ZMYM6: variants seen among roughly 807,000 people sequenced by gnomAD.
The protein encoded by ZMYM6 is zinc finger MYM-type protein 6.
ZMYM6 carries 90 observed loss-of-function variants against 134.0 expected under a neutral mutation model. That is an observed-to-expected ratio of 0.67 (90% confidence interval 0.57 to 0.80). The LOEUF is 0.80. Among genes scored for constraint, ZMYM6 ranks in the 30% least tolerant of loss-of-function variants. ZMYM6 has a pLI of 0.00. For synonymous variants in ZMYM6, 481 were observed against 524.1 expected, an observed-to-expected ratio of 0.92 and a Z score of 1.12; for missense variants, 1,362 against 1,533.9, an observed-to-expected ratio of 0.89 and a Z score of 1.87.
At chr1:35,020,012 G>C (rs1178819749) in intron 3 of ZMYM6, among the ~76,000 whole-genome samples, 1 of 152,006 alleles carries the variant, frequency 6.6e-6, no homozygotes, top group Non-Finnish European at 1.5e-5. Flanking sequence ...TTGAAATCCA[G>C]TTAATGAGGC....
Position 35,030,619 on chromosome 1 carries a change from A to C in ZMYM6, c.21T>G (p.Gly7=). Reference sequence around the variant, plus strand: ...GTGGTACCACTGCTTTGCCACATTCACCATCCAAAGGTTCTTTCATTCTAA... The same window carrying C: ...GTGGTACCACTGCTTTGCCACATTCCCCATCCAAAGGTTCTTTCATTCTAA... The part of the protein sequence containing the change: MKEPLD[G]ECGKAVVPQQ... The change falls in exon 2 of 16, where the codon GGT becomes GGG. Residue 7 remains glycine (G), a synonymous_variant. Transcript: ENST00000357182. The C allele has an allele frequency of 1.2e-6, 2 of 1,613,596 alleles. No individual in the cohort carries two copies. Among genetic ancestry groups the C allele is most frequent in the Non-Finnish European group, 1.7e-6 (2 of 1,179,972 alleles).
In ZMYM6 at chr1:35,010,441, C is replaced by T; in HGVS notation, c.1492+6G>A. 6.2e-7 allele frequency: 1 copy of T among 1,603,254 alleles called. No homozygotes were observed. The highest frequency in any genetic ancestry group is 8.5e-7 in the Non-Finnish European group (1 of 1,177,368). ...TGCTCTGTGAATAAAACAACTTTGT[C>T]TTTACCTTCACTACAGAATGGCTTA... is the stretch of plus-strand genomic sequence containing the variant. On this transcript the variant is annotated splice_donor_region_variant and intron_variant, in intron 10 of 15. Coordinates refer to ENST00000357182, the MANE Select transcript of ZMYM6 (RefSeq NM_007167.4).
intron 2 of ZMYM6, among the ~76,000 whole-genome samples, chr1:35,028,817 C>G (rs1303439034): frequency 1.3e-5 from 2 of 151,990 alleles, no homozygotes; most frequent in Non-Finnish European, 2.9e-5. Flanking sequence ...GATTTCCGTG[C>G]TCTCCATTCT....
Position 34,988,329 on chromosome 1 carries a change from A to G in ZMYM6, c.2753T>C (p.Ile918Thr). ...FALQIDESSE[I>T]SNITLLLCYI... ...GCACAAAAGAAGTGTGATATTTGAG[A>G]TTTCTGATGACTCATCTATCTGAAG... is the stretch of plus-strand genomic sequence containing the variant. The change falls in exon 16 of 16, where the codon ATC (isoleucine) becomes ACC (threonine). Residue 918 changes from isoleucine to threonine, a missense_variant. By Grantham distance (89) the Ile-to-Thr change is moderately conservative. Transcript: ENST00000357182. 1 of 1,551,270 alleles carries G rather than the reference A, an allele frequency of 6.4e-7. No homozygotes were observed. The highest frequency in any genetic ancestry group is 8.7e-7 in the Non-Finnish European group (1 of 1,146,818).
chr1:35,020,495 G>C (rs1413927106), intron 2 of ZMYM6, 28 bp from the exon 3 acceptor site: 2 of 1,511,868 alleles, frequency 1.3e-6, no homozygotes, highest in Non-Finnish European at 1.8e-6. Context: ...AAAGAGAAAA[G>C]AGCAATGAAT....
At chr1:35,023,028 G>T (rs1478054065) in intron 2 of ZMYM6, among the ~76,000 whole-genome samples, 2 of 152,034 alleles carry the variant, frequency 1.3e-5, no homozygotes, top group Non-Finnish European at 2.9e-5. Flanking sequence ...GGGGGCAAAT[G>T]ACTTAATATA....
intron 4 of ZMYM6, chr1:35,019,076 C>T: frequency 1.9e-6 from 1 of 534,708 alleles, no homozygotes; most frequent in Non-Finnish European, 3.3e-6. Flanking sequence ...TGGGTGTCTA[C>T]AATTACAGGA....
intron 6 of ZMYM6, 31 bp downstream of exon 6, chr1:35,014,666 C>T: frequency 6.3e-7 from 1 of 1,599,372 alleles, no homozygotes; most frequent in South Asian, 1.1e-5. Flanking sequence ...AGGAGTGGGC[C>T]TAAGTACATG....
intron 6 of ZMYM6, chr1:35,013,132 A>G (rs1641115557): frequency 5.8e-6 from 5 of 855,616 alleles, no homozygotes; most frequent in Non-Finnish European, 7.0e-6. Flanking sequence ...TTACATAACC[A>G]ATATTATAAC....
chr1:35,000,736 T>C (rs1640866273), intron 14 of ZMYM6, among the ~76,000 whole-genome samples: 1 of 152,160 alleles, frequency 6.6e-6, no homozygotes, highest in Non-Finnish European at 1.5e-5. Flanking sequence ...ATATTAAAGA[T>C]TGTCTAAAAG....
In ZMYM6 at chr1:34,993,833, G is replaced by A. The variant is rs545786788; in HGVS notation, c.1993-1446C>T. Among the ~76,000 whole-genome samples, 93 of 151,886 alleles carry A rather than the reference G, an allele frequency of 6.1e-4. No individual in the cohort carries two copies. In the Middle Eastern group the frequency reaches 0.014, roughly 22 times the overall value. Reference sequence around the variant, plus strand: ...TGAGTAGCTGGGACTACAAGCACCCGCCACCACGCCCGGCTAATTTTTTTT... The same window carrying A: ...TGAGTAGCTGGGACTACAAGCACCCACCACCACGCCCGGCTAATTTTTTTT... On this transcript the variant is annotated intron_variant, in intron 14 of 15. Transcript: ENST00000357182.
At position 35,010,778 on chromosome 1, in the gene ZMYM6, GT is replaced by G; in HGVS notation, c.1320del (p.Lys440AsnfsTer42). 6.4e-7 allele frequency: 1 copy of G among 1,569,666 alleles called. No homozygotes were observed. ...TTTACCTTGTAAAAAAGAAGTTCTG[GT>G]TTTGTGGCAAATAGATGGTTACAGT... ...CQHCNHLFATKPELLFYKGKM... is the reference protein window; with the variant it reads ...CQHCNHLFATXPELLFYKGKM... On this transcript the variant is annotated frameshift_variant, in exon 9 of 16. Coordinates refer to ENST00000357182, the MANE Select transcript of ZMYM6 (RefSeq NM_007167.4). LOFTEE classifies it high-confidence loss of function.
chr1:35,007,317 T>C (rs1018540468), intron 11 of ZMYM6, among the ~76,000 whole-genome samples: 1 of 152,136 alleles, frequency 6.6e-6, no homozygotes, highest in African/African-American at 2.4e-5. Context: ...GGCACGGTAA[T>C]TGTGGGATCA....
rs757489977 is a variant in ZMYM6 at position 35,020,428 on chromosome 1, T to C, written c.133A>G (p.Lys45Glu). The part of the protein sequence containing the change: ...CVQQPKTQES[K>E]LKIGGVSSVN... ...GAAGACACACCACCAATTTTCAATT[T>C]ACTTTCTTGAGTTTTTGGCTGTTGG... is the stretch of plus-strand genomic sequence containing the variant. The change falls in exon 3 of 16, where the codon AAA becomes GAA. Residue 45 changes from lysine to glutamate, a missense_variant. By Grantham distance (56) the Lys-to-Glu change is moderately conservative. Coordinates refer to ENST00000357182, the MANE Select transcript of ZMYM6 (RefSeq NM_007167.4). The C allele has an allele frequency of 3.1e-6, 5 of 1,612,890 alleles. No homozygotes were observed. The South Asian group carries it at 3.3e-5, about 11-fold the overall frequency.
Position 34,987,879 on chromosome 1 carries a change from G to C in ZMYM6, c.3203C>G (p.Ala1068Gly), listed in dbSNP as rs1227622716. ...GSEHVSLPLH[A>G]EVRWISRGRM... ...CCCTCTTGATATCCAACGTACTTCA[G>C]CATGAAGCGGTAAACTCACATGCTC... is the stretch of plus-strand genomic sequence containing the variant. The change falls in exon 16 of 16, where the codon GCT becomes GGT. Residue 1068 changes from alanine (A) to glycine (G), a missense_variant. Physicochemically the swap from Ala to Gly is moderately conservative, Grantham distance 60. This residue lies in a region of ZMYM6 where 824 missense variants were observed against 940.9 expected (regional missense o/e 0.88). Coordinates refer to ENST00000357182, the MANE Select transcript of ZMYM6 (RefSeq NM_007167.4). 22 of 1,551,406 alleles carry C rather than the reference G, an allele frequency of 1.4e-5. No homozygotes were observed. The highest frequency in any genetic ancestry group is 1.9e-5 in the Non-Finnish European group (22 of 1,146,952).
chr1:35,021,546 G>C (rs1641309549), intron 2 of ZMYM6, among the ~76,000 whole-genome samples: 1 of 151,924 alleles, frequency 6.6e-6, no homozygotes, highest in East Asian at 1.9e-4. Flanking sequence ...CTTGAACCCG[G>C]GAGGAGGAGG....
chr1:35,021,619 C>CA (rs879274435), intron 2 of ZMYM6, among the ~76,000 whole-genome samples: 120 of 126,408 alleles, frequency 9.5e-4, no homozygotes, highest in Admixed American at 2.9e-3. Flanking sequence ...GCCTCTGCCT[C>CA]AAAAAAAAAA....
intron 14 of ZMYM6, among the ~76,000 whole-genome samples, chr1:35,003,180 C>CAAAAAAA (rs202093628): frequency 3.2e-5 from 2 of 63,064 alleles, no homozygotes; most frequent in Admixed American, 1.8e-4. Flanking sequence ...GACCCTGTCT[C>CAAAAAAA]AAAAAAAAAA....
At chr1:35,019,004 G>C (rs1314114814) in intron 4 of ZMYM6, 3 of 381,350 alleles carry the variant, frequency 7.9e-6, no homozygotes, top group Middle Eastern at 7.4e-4. Context: ...TATTAAAAGA[G>C]TGATATTATT....
Sources: allele counts gnomAD v4.1 joint callset (sites outside exome capture counted in the v4.1 genomes callset), GRCh38; gene constraint gnomAD v4.1.1; regional missense constraint gnomAD v4.1.1; transcripts MANE v1.5; gene names NCBI Gene and HGNC (gene_info 2026-07-23, HGNC 2026-07-21).